ZNF674: variants seen among roughly 807,000 people sequenced by gnomAD.
The protein encoded by ZNF674 is zinc finger family member 674.
In ZNF674, 2 loss-of-function variants were observed where a neutral mutation model predicts 7.0. The observed-to-expected ratio is 0.29, with a 90% CI of 0.12 to 0.90. The LOEUF (loss-of-function observed/expected upper bound fraction) is 0.90. Among genes scored for constraint, ZNF674 ranks in the 40% least tolerant of loss-of-function variants. The pLI, the probability that ZNF674 is intolerant of heterozygous loss-of-function variation, is 0.57. For missense variants in ZNF674, 297 were observed against 415.5 expected, an observed-to-expected ratio of 0.71 and a Z score of 2.48; for synonymous variants, 103 against 145.2, an observed-to-expected ratio of 0.71 and a Z score of 2.09.
chrX:46,509,383 T>C (rs1385803968), intron 5 of ZNF674, among the ~76,000 whole-genome samples: 2 of 111,021 alleles, frequency 1.8e-5, no homozygotes, highest in African/African-American at 6.6e-5. Flanking sequence ...TTTCGCAACC[T>C]ACCCATCTGA....
At chrX:46,542,156 T>A in intron 2 of ZNF674, 40 bp from the exon 3 acceptor site, 1 of 820,045 alleles carries the variant, frequency 1.2e-6, no homozygotes, top group East Asian at 3.3e-5. Flanking sequence ...TCAGTGGGTA[T>A]AGACATAAGA....
At chrX:46,526,909 C>CAGAAAAA in intron 5 of ZNF674, among the ~76,000 whole-genome samples, 1 of 111,159 alleles carries the variant, frequency 9.0e-6, no homozygotes, top group East Asian at 2.8e-4. Context: ...CTCTACAAAG[C>CAGAAAAA]ACAGTTAAGA....
chrX:46,511,062 G>A (rs1339655653), intron 5 of ZNF674, among the ~76,000 whole-genome samples: 1 of 111,746 alleles, frequency 8.9e-6, no homozygotes, highest in Non-Finnish European at 1.9e-5. Context: ...CACATGGCAA[G>A]CATTCAAATG....
At chrX:46,530,879 A>G (rs772971934) in intron 3 of ZNF674, among the ~76,000 whole-genome samples, 1 of 112,261 alleles carries the variant, frequency 8.9e-6, no homozygotes, top group Non-Finnish European at 1.9e-5. Flanking sequence ...TGAGTTGATC[A>G]CCAAGGGCCA....
intron 5 of ZNF674, among the ~76,000 whole-genome samples, chrX:46,509,564 A>C (rs1487754082): frequency 1.0e-5 from 1 of 97,762 alleles, no homozygotes; most frequent in Non-Finnish European, 2.1e-5. Context: ...GCCATCAGAG[A>C]AATGCAAATC....
In ZNF674 at chrX:46,499,905, A is replaced by C; in HGVS notation, c.1669T>G (p.Phe557Val). 1 of 1,167,684 alleles carries C rather than the reference A, an allele frequency of 8.6e-7. No homozygotes were observed. Among genetic ancestry groups the C allele is most frequent in the African/African-American group, 1.8e-5 (1 of 56,351 alleles). The change falls in exon 6 of 6, where the codon TTC (phenylalanine) becomes GTC (valine). Residue 557 changes from phenylalanine to valine, a missense_variant. Transcript: ENST00000683375. ...TTAATGAGAGTTGACTTCCCACTGA[A>C]TGCTTTCCCACAGTCTCTGCATTCA... The part of the protein sequence containing the change: ...PYECRDCGKA[F>V]SGKSTLIKHQ...
intron 5 of ZNF674, among the ~76,000 whole-genome samples, chrX:46,502,704 T>G (rs143820806): frequency 0.026 from 2,864 of 111,288 alleles, 85 homozygotes; most frequent in African/African-American, 0.087. Context: ...GGAGTTAGAG[T>G]GTGCTCTGTG....
Position 46,500,717 on chromosome X carries a change from T to A in ZNF674, c.857A>T (p.Gln286Leu), listed in dbSNP as rs1941406929. ...ECSECGKTFI[Q>L]KSTLIKHQRT... is the part of the protein sequence containing the mutation. ...TTGATGTTTAATCAGAGTTGACTTCTGGATAAAGGTTTTTCCACATTCACT... is the reference window on the plus strand; with the variant it reads ...TTGATGTTTAATCAGAGTTGACTTCAGGATAAAGGTTTTTCCACATTCACT... The change falls in exon 6 of 6, where the codon CAG (glutamine) becomes CTG (leucine). Residue 286 changes from glutamine to leucine, a missense_variant. By Grantham distance (113) the Gln-to-Leu change is moderately radical. Transcript: ENST00000683375. 8.3e-7 allele frequency: 1 copy of A among 1,209,398 alleles called. No individual in the cohort carries two copies. Among genetic ancestry groups the A allele is most frequent in the African/African-American group, 1.7e-5 (1 of 57,234 alleles).
rs750293773 is a variant in ZNF674 at position 46,501,056 on chromosome X, C to T, written c.518G>A (p.Trp173Ter). 1 of 1,208,901 alleles carries T rather than the reference C, an allele frequency of 8.3e-7. No homozygotes were observed. Among genetic ancestry groups the T allele is most frequent in the Non-Finnish European group, 1.1e-6 (1 of 893,836 alleles). The change falls in exon 6 of 6, where the codon TGG becomes TAG. Residue 173 changes from tryptophan to a stop codon, truncating the protein, a stop_gained. Coordinates refer to ENST00000683375, the MANE Select transcript of ZNF674 (RefSeq NM_001190417.2). LOFTEE classifies it low-confidence loss of function (END_TRUNC). ...RKKDDGCKAY[W>*]KVCLHYNLHK... ...AAGATTATAATGGAGGCATACTTTC[C>T]AATATGCCTTACATCCATCATCTTT...
chrX:46,528,529 G>A (rs1942050633), intron 4 of ZNF674, 84 bp from the exon 5 acceptor site: 4 of 1,060,610 alleles, frequency 3.8e-6, no homozygotes, highest in South Asian at 1.9e-5. Context: ...GCTGAAGGTG[G>A]CACGGCCTCG....
chrX:46,533,830 ATAT>A (rs1204537695), intron 3 of ZNF674, among the ~76,000 whole-genome samples: 3 of 52,522 alleles, frequency 5.7e-5, no homozygotes, highest in African/African-American at 2.4e-4. Flanking sequence ...AAAAAAAAAA[ATAT>A]ATATATATAT....
At chrX:46,532,795 G>A (rs1041201393) in intron 3 of ZNF674, among the ~76,000 whole-genome samples, 6 of 112,206 alleles carry the variant, frequency 5.3e-5, no homozygotes, top group African/African-American at 1.9e-4. Flanking sequence ...TGGAAGAATT[G>A]TCTTGGGCCA....
At chrX:46,530,949 G>A (rs1942098476) in intron 3 of ZNF674, among the ~76,000 whole-genome samples, 2 of 112,193 alleles carry the variant, frequency 1.8e-5, no homozygotes, top group South Asian at 7.3e-4. Context: ...TGGGTGTGGT[G>A]GCTGGCTCCT....
intron 5 of ZNF674, among the ~76,000 whole-genome samples, chrX:46,515,395 GAC>G (rs1185732563): frequency 1.9e-5 from 2 of 105,548 alleles, no homozygotes; most frequent in Non-Finnish European, 3.9e-5. Context: ...AGAAAAGAAA[GAC>G]ACAAATTATG....
chrX:46,508,731 G>A (rs1177520793), intron 5 of ZNF674, among the ~76,000 whole-genome samples: 2 of 111,380 alleles, frequency 1.8e-5, no homozygotes, highest in Non-Finnish European at 3.8e-5. Flanking sequence ...AAGCAATTGT[G>A]AATGGGAGTT....
At chrX:46,519,256 AGATAGAT>A (rs1189668399) in intron 5 of ZNF674, among the ~76,000 whole-genome samples, 778 of 60,716 alleles carry the variant, frequency 0.013, 14 homozygotes, top group African/African-American at 0.045. Context: ...ATAGATAGAT[AGATAGAT>A]AAAGATAGAT....
intron 5 of ZNF674, among the ~76,000 whole-genome samples, chrX:46,522,064 C>T (rs528592659): frequency 9.4e-6 from 1 of 106,242 alleles, no homozygotes; most frequent in South Asian, 4.4e-4. Flanking sequence ...GGATCAATTA[C>T]ATTACTAATC....
chrX:46,519,244 AG>A (rs1569476139), intron 5 of ZNF674, among the ~76,000 whole-genome samples: 35 of 74,234 alleles, frequency 4.7e-4, no homozygotes, highest in African/African-American at 1.9e-3. Flanking sequence ...ATAGATAGAT[AG>A]ATAGATAGAT....
intron 3 of ZNF674, chrX:46,529,381 G>T: frequency 7.6e-6 from 1 of 131,855 alleles, no homozygotes; most frequent in Non-Finnish European, 1.6e-5. Flanking sequence ...GATACAAAAT[G>T]ACACCTTGGC....
Sources: allele counts gnomAD v4.1 joint callset (sites outside exome capture counted in the v4.1 genomes callset), GRCh38; gene constraint gnomAD v4.1.1; transcripts MANE v1.5; gene names NCBI Gene and HGNC (gene_info 2026-07-23, HGNC 2026-07-21).